Variants in HIVEP3 observed in about 807,000 individuals in gnomAD.
The protein encoded by HIVEP3 is HIVEP zinc finger 3.
In HIVEP3, 49 loss-of-function variants were observed where a neutral mutation model predicts 152.8. The ratio of observed to expected loss-of-function variants is 0.32; its 90% CI spans 0.26 to 0.41. The LOEUF (loss-of-function observed/expected upper bound fraction) is 0.41. Among genes scored for constraint, HIVEP3 ranks in the 10% least tolerant of loss-of-function variants. The pLI is 1.00. For synonymous variants in HIVEP3, 1,269 were observed against 1,289.0 expected (o/e 0.98, Z 0.33); for missense variants, 2,790 against 3,103.3 (o/e 0.90, Z 2.40).
At chr1:41,977,410 C>A (rs185906434) in intron 1 of HIVEP3, among the ~76,000 whole-genome samples, 1 of 152,146 alleles carries the variant, frequency 6.6e-6, no homozygotes, top group Non-Finnish European at 1.5e-5. Flanking sequence ...CGCTCCCCCA[C>A]TCCCCAGCTG....
intron 1 of HIVEP3, among the ~76,000 whole-genome samples, chr1:41,857,417 G>A (rs1470677627): frequency 6.6e-6 from 1 of 152,086 alleles, no homozygotes; most frequent in Non-Finnish European, 1.5e-5. Context: ...TACCACCCCA[G>A]GAAGGGTGGC....
intron 5 of HIVEP3, 141 bp from the exon 6 acceptor site, chr1:41,525,051 C>T (rs184839978): frequency 7.7e-6 from 6 of 777,590 alleles, no homozygotes; most frequent in Admixed American, 2.7e-5. Flanking sequence ...GAGAGGACCA[C>T]GAGAGTGGGA....
Position 41,518,452 on chromosome 1 carries a change from C to G in HIVEP3, c.5420G>C (p.Ser1807Thr), listed in dbSNP as rs1367214281. 3.7e-6 allele frequency: 6 copies of G among 1,614,088 alleles called. No homozygotes were observed. Among genetic ancestry groups the G allele is most frequent in the Non-Finnish European group, 5.1e-6 (6 of 1,180,030 alleles). ...CACCCCTGTCTCTTGGCACTTTTTG[C>G]TGTGGGCCTTCGACTTCATGTGCTT... ...LTKHMKSKAH[S>T]KKCQETGVLE... The change falls in exon 7 of 9, where the codon AGC becomes ACC. Residue 1807 changes from serine (S) to threonine (T), a missense_variant. By Grantham distance (58) the Ser-to-Thr change is moderately conservative (BLOSUM62 1). Coordinates refer to ENST00000372583, the MANE Select transcript of HIVEP3 (RefSeq NM_024503.5).
rs149217191 is a variant in HIVEP3 at position 41,828,052 on chromosome 1, T to C, written c.-801+90361A>G. Reference sequence around the variant, plus strand: ...CCTTTGAAAAGTGACCATTATTTTATTTATAATTTCCCAACCAGTGAAGAA... The same window carrying C: ...CCTTTGAAAAGTGACCATTATTTTACTTATAATTTCCCAACCAGTGAAGAA... On this transcript the variant is annotated intron_variant, in intron 1 of 8. Transcript: ENST00000372583. Among the ~76,000 whole-genome samples, 3 of 152,310 alleles carry C rather than the reference T, an allele frequency of 2.0e-5. No homozygotes were observed. In the East Asian group the frequency reaches 5.8e-4, roughly 29 times the overall value.
intron 3 of HIVEP3, among the ~76,000 whole-genome samples, chr1:41,585,519 G>A (rs1254600194): frequency 6.6e-6 from 1 of 152,136 alleles, no homozygotes; most frequent in Admixed American, 6.5e-5. Context: ...TTCCTCCCCC[G>A]CTCCCATGTC....
chr1:41,577,399 G>C (rs1644342311), intron 4 of HIVEP3, among the ~76,000 whole-genome samples: 1 of 152,164 alleles, frequency 6.6e-6, no homozygotes, highest in Non-Finnish European at 1.5e-5. Flanking sequence ...AGGTCACATA[G>C]CCAGTAGGTA....
intron 5 of HIVEP3, among the ~76,000 whole-genome samples, chr1:41,525,529 GGGA>G (rs1419587610): frequency 6.6e-6 from 1 of 152,156 alleles, no homozygotes; most frequent in Non-Finnish European, 1.5e-5. Context: ...TGATATTCAT[GGGA>G]GGAGAAGGAA....
chr1:41,545,461 TCAC>T (rs148358107), intron 5 of HIVEP3, among the ~76,000 whole-genome samples: 1 of 95,100 alleles, frequency 1.1e-5, no homozygotes, highest in Admixed American at 9.6e-5. Context: ...ATTGCTACCA[TCAC>T]CACCACCAAC....
chr1:41,912,055 T>C (rs966972360), intron 1 of HIVEP3, among the ~76,000 whole-genome samples: 1 of 152,212 alleles, frequency 6.6e-6, no homozygotes, highest in Non-Finnish European at 1.5e-5. Context: ...TCCATTTATA[T>C]GAAGTTCACA....
intron 2 of HIVEP3, among the ~76,000 whole-genome samples, chr1:41,663,015 C>T (rs1434335675): frequency 1.8e-4 from 28 of 152,192 alleles, no homozygotes; most frequent in Admixed American, 1.8e-3. Context: ...GGGGACACCC[C>T]GGGGCTTCCC....
intron 5 of HIVEP3, among the ~76,000 whole-genome samples, chr1:41,538,938 G>C (rs1192579224): frequency 3.9e-5 from 6 of 152,198 alleles, no homozygotes; most frequent in Non-Finnish European, 5.9e-5. Flanking sequence ...TGGGGCATGG[G>C]GGTGGGGAAG....
At chr1:41,992,721 A>T (rs1354661035) in intron 1 of HIVEP3, among the ~76,000 whole-genome samples, 1 of 129,238 alleles carries the variant, frequency 7.7e-6, no homozygotes, top group Non-Finnish European at 1.6e-5. Context: ...ACAAAGCTGG[A>T]GGCATCACAC....
intron 5 of HIVEP3, among the ~76,000 whole-genome samples, chr1:41,537,627 T>A (rs1363972610): frequency 6.6e-6 from 1 of 152,192 alleles, no homozygotes; most frequent in Non-Finnish European, 1.5e-5. Context: ...GAGCTGTGTC[T>A]CTCTTAAAAA....
Position 41,930,081 on chromosome 1 carries a change from C to A in HIVEP3, n.120-11557G>T, listed in dbSNP as rs77351765. 8.5e-3 allele frequency among the ~76,000 whole-genome samples: 1,296 copies of A among 152,192 alleles called. 15 individuals carry two copies. The highest frequency in any genetic ancestry group is 0.03 in the African/African-American group (1,239 of 41,520). On this transcript the variant is annotated intron_variant and non_coding_transcript_variant, in intron 1 of 3. Coordinates refer to the HIVEP3 transcript ENST00000489103. ...ATCTTCAATGAATTTATGTTATACA[C>A]GTGCAATGCAGTTAGATTCATTTGT...
At chr1:41,512,212 G>A (rs1642447946) in intron 8 of HIVEP3, among the ~76,000 whole-genome samples, 1 of 152,106 alleles carries the variant, frequency 6.6e-6, no homozygotes, top group Non-Finnish European at 1.5e-5. Context: ...CCCAGTGTTA[G>A]AGGTGGGCCT....
intron 1 of HIVEP3, among the ~76,000 whole-genome samples, chr1:41,949,014 C>T (rs946595808): frequency 1.2e-4 from 19 of 152,154 alleles, no homozygotes; most frequent in Non-Finnish European, 2.2e-4. Flanking sequence ...CCTCAAACCT[C>T]ACCTGTGTAA....
rs917401723 is a variant in HIVEP3 at position 41,508,964 on chromosome 1, G to A, written c.*1487C>T. 3 of 152,220 alleles carry A rather than the reference G, an allele frequency of 2.0e-5. No individual in the cohort carries two copies. The highest frequency in any genetic ancestry group is 7.2e-5 in the African/African-American group (3 of 41,444). The allele number at this position is 152,220 out of a possible 1,614,324, so 9.4% of individuals were successfully genotyped here. A position where few individuals can be genotyped will look rare whatever the true frequency, so the allele number is the denominator to read the frequency against. On this transcript the variant is annotated 3_prime_UTR_variant, in exon 9 of 9. Coordinates refer to ENST00000372583, the MANE Select transcript of HIVEP3 (RefSeq NM_024503.5). ...GGAAAAAGCTCACCTCTCCCAGTTG[G>A]GGCGAACACGCTAGAGTTCAAGTTC...
chr1:41,535,363 G>C (rs1452938121), intron 5 of HIVEP3: 6 of 152,230 alleles, frequency 3.9e-5, no homozygotes, highest in Admixed American at 3.9e-4. Context: ...CCATGATGGG[G>C]GTCCCTGGGG....
At chr1:41,993,958 C>T (rs1473337533) in intron 1 of HIVEP3, among the ~76,000 whole-genome samples, 4 of 134,774 alleles carry the variant, frequency 3.0e-5, no homozygotes, top group Non-Finnish European at 4.6e-5. Flanking sequence ...AATGAGATCA[C>T]ATGGACACAG....
Sources: allele counts gnomAD v4.1 joint callset (sites outside exome capture counted in the v4.1 genomes callset), GRCh38; gene constraint gnomAD v4.1.1; transcripts MANE v1.5; gene names NCBI Gene and HGNC (gene_info 2026-07-23, HGNC 2026-07-21).